Variants in AFF3 observed in about 807,000 individuals in gnomAD.
AFF3 encodes the protein AF4/FMR2 family member 3.
A neutral mutation model predicts 129.7 loss-of-function variants in AFF3; 32 were observed. The observed-to-expected ratio is 0.25, with a 90% CI of 0.19 to 0.33. The LOEUF (loss-of-function observed/expected upper bound fraction) is 0.33. AFF3 is among the 10% of genes least tolerant of loss of function. The pLI, the probability that AFF3 is intolerant of heterozygous loss-of-function variation, is 1.00. For missense variants in AFF3, 1,373 were observed against 1,592.0 expected (o/e 0.86, Z 2.34); for synonymous variants, 644 against 635.4 (o/e 1.01, Z -0.20).
chr2:99,611,431 T>C (rs901740177), intron 13 of AFF3, among the ~76,000 whole-genome samples: 3 of 152,166 alleles, frequency 2.0e-5, no homozygotes, highest in Non-Finnish European at 4.4e-5. Context: ...TTATTGCTTG[T>C]TTTTGCAGGC....
intron 7 of AFF3, among the ~76,000 whole-genome samples, chr2:99,909,980 G>C (rs1695003696): frequency 6.6e-6 from 1 of 152,022 alleles, no homozygotes; most frequent in East Asian, 1.9e-4. Context: ...ACATTATTTG[G>C]AGATAGGGTC....
rs1350058485 is a variant in AFF3, at chr2:99,725,392, C to T, written c.1091+1685G>A. Reference sequence around the variant, plus strand: ...TATTTTTGAGACAGTCTTACTTTGTCACCCAGGCTGGAGCACAGTGGCATG... The same window carrying T: ...TATTTTTGAGACAGTCTTACTTTGTTACCCAGGCTGGAGCACAGTGGCATG... On this transcript the variant is annotated intron_variant, in intron 11 of 24. Transcript: ENST00000672756. 2.0e-5 allele frequency among the ~76,000 whole-genome samples: 3 copies of T among 152,106 alleles called. No homozygotes were observed. In the East Asian group the frequency reaches 5.8e-4, roughly 29 times the overall value.
At chr2:99,662,866 TGGATGAAC>T (rs564919968) in intron 12 of AFF3, among the ~76,000 whole-genome samples, 182 of 152,332 alleles carry the variant, frequency 1.2e-3, no homozygotes, top group African/African-American at 4.3e-3. Context: ...TCACGCTGAC[TGGATGAAC>T]CCTGGCCACA....
Position 99,751,873 on chromosome 2 carries a change from TTAA to T in AFF3, c.1002+345_1002+347del, listed in dbSNP as rs1182315646. ...ATTGATTTTAAGATACATCATTAAT[TTAA>T]TAATAGCTTTTCAGAAAAATCCAGG... On this transcript the variant is annotated intron_variant, in intron 9 of 24. Coordinates refer to ENST00000672756, the MANE Select transcript of AFF3 (RefSeq NM_001386135.1). Among the ~76,000 whole-genome samples the T allele has an allele frequency of 2.0e-5, 3 of 152,210 alleles. No homozygotes were observed. In the East Asian group the frequency reaches 5.8e-4, roughly 29 times the overall value.
chr2:100,034,984 T>C (rs1684788926), intron 4 of AFF3, among the ~76,000 whole-genome samples: 1 of 152,194 alleles, frequency 6.6e-6, no homozygotes. Context: ...CCCCTGGGGA[T>C]CCTCATGTCC....
intron 1 of AFF3, among the ~76,000 whole-genome samples, chr2:100,137,785 G>A (rs1269059618): frequency 1.3e-5 from 2 of 152,136 alleles, no homozygotes; most frequent in African/African-American, 4.8e-5. Context: ...GCCTTGCAGG[G>A]GTGTTGTGGG....
At chr2:100,117,679 T>A (rs889335220) in intron 2 of AFF3, among the ~76,000 whole-genome samples, 3 of 152,244 alleles carry the variant, frequency 2.0e-5, no homozygotes, top group Non-Finnish European at 2.9e-5. Context: ...TTTCGAATTA[T>A]GTGATCAACA....
At chr2:99,851,515 T>A (rs1389458959) in intron 7 of AFF3, among the ~76,000 whole-genome samples, 1 of 152,252 alleles carries the variant, frequency 6.6e-6, no homozygotes, top group African/African-American at 2.4e-5. Context: ...CGAGCACTGT[T>A]TGAGGCTTCT....
intron 1 of AFF3, among the ~76,000 whole-genome samples, chr2:100,142,077 T>C (rs1312206150): frequency 6.6e-6 from 1 of 152,176 alleles, no homozygotes; most frequent in Non-Finnish European, 1.5e-5. Flanking sequence ...TGTCATGGTT[T>C]CTATTTTTGA....
intron 16 of AFF3, among the ~76,000 whole-genome samples, chr2:99,585,269 G>A (rs1214798414): frequency 6.6e-6 from 1 of 152,154 alleles, no homozygotes; most frequent in African/African-American, 2.4e-5. Flanking sequence ...TATCATGATT[G>A]CCTGTTTTTC....
At chr2:100,005,631 G>A (rs577511574) in intron 7 of AFF3, among the ~76,000 whole-genome samples, 1 of 152,266 alleles carries the variant, frequency 6.6e-6, no homozygotes, top group South Asian at 2.1e-4. Context: ...ATCAAAAAAA[G>A]TTACGGTATA....
At chr2:100,105,417 C>G in intron 3 of AFF3, 87 bp downstream of exon 3, 1 of 1,313,820 alleles carries the variant, frequency 7.6e-7, no homozygotes, top group Non-Finnish European at 1.0e-6. Context: ...ACCTGCTCTC[C>G]GTTGCGGTTT....
chr2:99,957,428 G>C (rs1030164780), intron 7 of AFF3, among the ~76,000 whole-genome samples: 1 of 152,152 alleles, frequency 6.6e-6, no homozygotes, highest in Non-Finnish European at 1.5e-5. Flanking sequence ...TGTCAAATTA[G>C]AAAATTCATT....
intron 4 of AFF3, among the ~76,000 whole-genome samples, chr2:100,101,569 A>AT (rs1242779719): frequency 1.4e-5 from 2 of 138,694 alleles, no homozygotes; most frequent in Non-Finnish European, 3.1e-5. Context: ...TTATTTTCAA[A>AT]TTTTTAATTT....
rs567945694 is a variant in AFF3, at chr2:99,592,871, G to A, written c.2466+324C>T. Among the ~76,000 whole-genome samples the A allele has an allele frequency of 4.6e-5, 7 of 151,958 alleles. No homozygotes were observed. The South Asian group carries it at 1.5e-3, about 32-fold the overall frequency. ...GAATCGCCTGAACCTGGGAGGCAGA[G>A]GTTGCAGTGAACCGAGATTGTGCCA... On this transcript the variant is annotated intron_variant, in intron 15 of 24. Transcript: ENST00000672756.
intron 11 of AFF3, among the ~76,000 whole-genome samples, chr2:99,717,538 T>C (rs1678505542): frequency 6.6e-6 from 1 of 152,256 alleles, no homozygotes; most frequent in Admixed American, 6.5e-5. Context: ...TTCTTTTGTC[T>C]GTTCAAAGCT....
intron 8 of AFF3, among the ~76,000 whole-genome samples, chr2:99,825,437 A>C (rs1688004654): frequency 6.6e-6 from 1 of 152,230 alleles, no homozygotes; most frequent in African/African-American, 2.4e-5. Flanking sequence ...AGGACACTGT[A>C]TGTGATTTTC....
intron 8 of AFF3, among the ~76,000 whole-genome samples, chr2:99,798,432 C>A (rs1576015354): frequency 6.6e-6 from 1 of 151,804 alleles, no homozygotes; most frequent in South Asian, 2.1e-4. Flanking sequence ...TGTCTATTTT[C>A]CATCCTGTTT....
chr2:99,829,004 T>G (rs1688320327), intron 8 of AFF3, among the ~76,000 whole-genome samples: 1 of 152,210 alleles, frequency 6.6e-6, no homozygotes, highest in Admixed American at 6.5e-5. Context: ...AACTGAGGCT[T>G]CTAAGTGAAA....
Sources: allele counts gnomAD v4.1 joint callset (sites outside exome capture counted in the v4.1 genomes callset), GRCh38; gene constraint gnomAD v4.1.1; transcripts MANE v1.5; gene names NCBI Gene and HGNC (gene_info 2026-07-23, HGNC 2026-07-21).